The following PRKG1 variants were observed in gnomAD, a reference collection of about 807,000 sequenced individuals.
PRKG1 encodes the protein protein kinase cGMP-dependent 1.
Under a neutral mutation model 88.1 loss-of-function variants are expected in PRKG1, and 35 were observed. That is an observed-to-expected ratio of 0.40 (90% CI 0.30 to 0.53). The LOEUF is 0.53. Among genes scored for constraint, PRKG1 ranks in the 20% least tolerant of loss-of-function variants. The pLI, the probability that PRKG1 is intolerant of heterozygous loss-of-function variation, is 0.59. For missense variants in PRKG1, 540 were observed against 839.8 expected, an observed-to-expected ratio of 0.64 and a Z score of 4.41; for synonymous variants, 303 against 292.5, an observed-to-expected ratio of 1.04 and a Z score of -0.37.
At chr10:51,076,880 C>T (rs1191585773) in intron 1 of PRKG1, among the ~76,000 whole-genome samples, 2 of 152,156 alleles carry the variant, frequency 1.3e-5, no homozygotes, top group Admixed American at 1.3e-4. Context: ...ATACTGATTT[C>T]TTACTAATAA....
intron 9 of PRKG1, among the ~76,000 whole-genome samples, chr10:52,170,031 T>G (rs11001056): frequency 6.6e-6 from 1 of 152,018 alleles, no homozygotes; most frequent in Admixed American, 6.5e-5. Context: ...AGTCTTATAC[T>G]GAGTAGCATT....
chr10:52,002,374 GT>G (rs1844621618), intron 5 of PRKG1, among the ~76,000 whole-genome samples: 1 of 152,068 alleles, frequency 6.6e-6, no homozygotes. Flanking sequence ...TCCACTCAGA[GT>G]TTGGTTAATG....
intron 2 of PRKG1, among the ~76,000 whole-genome samples, chr10:51,341,978 T>G (rs912900470): frequency 1.3e-5 from 2 of 152,156 alleles, no homozygotes; most frequent in African/African-American, 2.4e-5. Flanking sequence ...CATGAGGTTT[T>G]CTGGCCCTGC....
chr10:52,000,579 T>TGAAA (rs911467704), intron 5 of PRKG1, among the ~76,000 whole-genome samples: 1 of 152,058 alleles, frequency 6.6e-6, no homozygotes, highest in African/African-American at 2.4e-5. Flanking sequence ...AATACAGAAT[T>TGAAA]GGTTGTGAAT....
chr10:51,824,460 G>T (rs1839834202), intron 4 of PRKG1, among the ~76,000 whole-genome samples: 1 of 152,048 alleles, frequency 6.6e-6, no homozygotes, highest in Admixed American at 6.5e-5. Flanking sequence ...CTTATCTTTT[G>T]TGGATATAGG....
intron 2 of PRKG1, among the ~76,000 whole-genome samples, chr10:51,430,052 C>A (rs1264340355): frequency 6.6e-6 from 1 of 151,650 alleles, no homozygotes; most frequent in East Asian, 1.9e-4. Flanking sequence ...GACAGAAAGT[C>A]CTCCAAAGCT....
intron 13 of PRKG1, 77 bp from the exon 14 acceptor site, chr10:52,282,076 G>A: frequency 3.0e-6 from 4 of 1,312,400 alleles, no homozygotes; most frequent in South Asian, 1.6e-5. Context: ...ATCATCATCA[G>A]TGTGCTTCAA....
intron 4 of PRKG1, among the ~76,000 whole-genome samples, chr10:51,819,396 A>G (rs1839684616): frequency 6.6e-6 from 1 of 152,130 alleles, no homozygotes; most frequent in South Asian, 2.1e-4. Flanking sequence ...CACCTCCAAC[A>G]CTGGGGATCA....
chr10:51,179,393 G>T (rs779918460), intron 2 of PRKG1, among the ~76,000 whole-genome samples: 1 of 152,178 alleles, frequency 6.6e-6, no homozygotes, highest in Non-Finnish European at 1.5e-5. Flanking sequence ...TTTAGAGAAG[G>T]TTATAGGATA....
intron 4 of PRKG1, among the ~76,000 whole-genome samples, chr10:51,887,211 C>T (rs1340506261): frequency 1.3e-5 from 2 of 152,160 alleles, no homozygotes; most frequent in South Asian, 2.1e-4. Flanking sequence ...CCTCGAACGC[C>T]TGGCCTCAAG....
intron 3 of PRKG1, among the ~76,000 whole-genome samples, chr10:51,491,448 T>C (rs752736054): frequency 2.0e-5 from 3 of 151,952 alleles, no homozygotes; most frequent in Non-Finnish European, 4.4e-5. Flanking sequence ...AATTAAAAAG[T>C]AGAGTTATAA....
chr10:52,258,579 C>T (rs539413237), intron 10 of PRKG1, among the ~76,000 whole-genome samples: 1 of 151,916 alleles, frequency 6.6e-6, no homozygotes, highest in South Asian at 2.1e-4. Context: ...GTTGTTATTG[C>T]CCAGAATTAC....
intron 10 of PRKG1, among the ~76,000 whole-genome samples, chr10:52,270,039 G>A (rs992464338): frequency 6.6e-6 from 1 of 152,002 alleles, no homozygotes; most frequent in African/African-American, 2.4e-5. Context: ...AAAACAAACG[G>A]TTTTCAAAAT....
intron 7 of PRKG1, among the ~76,000 whole-genome samples, chr10:52,122,217 C>G (rs372753387): frequency 3.9e-5 from 6 of 152,124 alleles, no homozygotes; most frequent in Non-Finnish European, 8.8e-5. Context: ...GGGAGCCAAA[C>G]GCACTTTTAT....
At chr10:51,804,793 C>G (rs1839262744) in intron 4 of PRKG1, 103 bp downstream of exon 4, 1 of 744,174 alleles carries the variant, frequency 1.3e-6, no homozygotes, top group South Asian at 1.6e-5. Context: ...GCCTTTCTCT[C>G]AGTCATAATA....
chr10:52,076,893 A>C (rs1422780478), intron 7 of PRKG1, among the ~76,000 whole-genome samples: 1 of 152,242 alleles, frequency 6.6e-6, no homozygotes, highest in Non-Finnish European at 1.5e-5. Context: ...GTGCCACTGC[A>C]AACATATTAG....
intron 5 of PRKG1, among the ~76,000 whole-genome samples, chr10:52,039,102 G>A (rs1207299671): frequency 7.2e-5 from 11 of 152,162 alleles, no homozygotes; most frequent in African/African-American, 2.2e-4. Flanking sequence ...TCCGAGTCAC[G>A]GCACCAAATT....
chr10:51,356,037 G>A (rs1842359141), intron 2 of PRKG1, among the ~76,000 whole-genome samples: 1 of 151,960 alleles, frequency 6.6e-6, no homozygotes, highest in Non-Finnish European at 1.5e-5. Flanking sequence ...TCCTGTATTT[G>A]CTATGACAAT....
intron 3 of PRKG1, among the ~76,000 whole-genome samples, chr10:51,503,219 G>A (rs528675911): frequency 7.9e-5 from 12 of 151,996 alleles, no homozygotes; most frequent in Non-Finnish European, 1.6e-4. Context: ...TCTTTCCAAT[G>A]TTTGTTCCCA....
Sources: allele counts gnomAD v4.1 joint callset (sites outside exome capture counted in the v4.1 genomes callset), GRCh38; gene constraint gnomAD v4.1.1; transcripts MANE v1.5; gene names NCBI Gene and HGNC (gene_info 2026-07-23, HGNC 2026-07-21).